The following DNAJC9 variants were observed in gnomAD, a reference collection of about 807,000 sequenced individuals.
The protein encoded by DNAJC9 is dnaJ homolog subfamily C member 9.
A neutral mutation model predicts 32.4 loss-of-function variants in DNAJC9; 18 were observed. That is an observed-to-expected ratio of 0.56 (90% CI 0.38 to 0.82). DNAJC9 has a LOEUF of 0.82. Among genes scored for constraint, DNAJC9 ranks in the 40% least tolerant of loss-of-function variants. The pLI is 0.00. For synonymous variants in DNAJC9, 113 were observed against 122.1 expected (o/e 0.93, Z 0.49); for missense variants, 310 against 321.8 (o/e 0.96, Z 0.28).
intron 2 of DNAJC9, chr10:73,233,194 C>A: frequency 7.1e-7 from 1 of 1,414,404 alleles, no homozygotes; most frequent in Non-Finnish European, 9.8e-7. Context: ...TTCTGGAAAC[C>A]GTGGTAAAAC....
At position 73,242,074 on chromosome 10, in the gene DNAJC9, A is replaced by G. The variant is rs1042910373; in HGVS notation, c.*1326T>C. ...ATTCAAATAATCATAAATTACGGTA[A>G]CTTTTTATTATACCAAGGTGTTCTA... On this transcript the variant is annotated 3_prime_UTR_variant, in exon 5 of 5. Coordinates refer to ENST00000372950, the MANE Select transcript of DNAJC9 (RefSeq NM_015190.5). 7.9e-5 allele frequency: 12 copies of G among 152,210 alleles called. No homozygotes were observed. Among genetic ancestry groups the G allele is most frequent in the African/African-American group, 2.9e-4 (12 of 41,466 alleles). The allele number at this position is 152,210 out of a possible 1,614,324, so 9.4% of individuals were successfully genotyped here.
chr10:73,236,198 G>A (rs1167214423), downstream of DNAJC9, among the ~76,000 whole-genome samples: 1 of 150,082 alleles, frequency 6.7e-6, no homozygotes, highest in Non-Finnish European at 1.5e-5. Context: ...GTTTCCTAGG[G>A]CTTAAGAAAT....
intron 2 of DNAJC9, chr10:73,232,878 G>T (rs562922322): frequency 1.9e-5 from 20 of 1,028,042 alleles, no homozygotes; most frequent in Middle Eastern, 2.2e-4. Flanking sequence ...TACCCCGTTA[G>T]TCTTGTCTTC....
At chr10:73,243,795 A>G (rs749614502) in intron 4 of DNAJC9, 48 bp downstream of exon 4, 1 of 1,476,158 alleles carries the variant, frequency 6.8e-7, no homozygotes, top group Non-Finnish European at 9.4e-7. Flanking sequence ...AAATATTAGC[A>G]GTAGGAATCA....
chr10:73,247,214 G>C lies in DNAJC9; in HGVS notation c.-25C>G. ...TGCCGGGCGGAGATACGACCCCGGA[G>C]GAAGCAGCCGCTCCCAGCTGCGCCG... is the stretch of plus-strand genomic sequence containing the variant. On this transcript the variant is annotated 5_prime_UTR_variant, in exon 1 of 5. Transcript: ENST00000372950. 6.3e-7 allele frequency: 1 copy of C among 1,575,758 alleles called. No individual in the cohort carries two copies. The highest frequency in any genetic ancestry group is 2.4e-5 in the East Asian group (1 of 42,078).
intron 2 of DNAJC9, chr10:73,233,008 T>C (rs1564715284): frequency 6.4e-7 from 1 of 1,551,998 alleles, no homozygotes; most frequent in Non-Finnish European, 8.7e-7. Flanking sequence ...ATTGGCCAAA[T>C]CGAGCTGTGG....
chr10:73,244,929 G>C (rs2043990262), intron 3 of DNAJC9, among the ~76,000 whole-genome samples: 1 of 152,202 alleles, frequency 6.6e-6, no homozygotes, highest in South Asian at 2.1e-4. Context: ...AAGGTTTGTT[G>C]AACAGTCTAT....
downstream of DNAJC9, among the ~76,000 whole-genome samples, chr10:73,240,432 G>A (rs764003271): frequency 1.1e-4 from 17 of 152,284 alleles, no homozygotes; most frequent in Non-Finnish European, 2.1e-4. Flanking sequence ...GGTATAACTG[G>A]CTGGGCGTGG....
downstream of DNAJC9, chr10:73,239,361 C>T (rs2043893351): frequency 6.4e-7 from 1 of 1,551,518 alleles, no homozygotes; most frequent in Non-Finnish European, 8.7e-7. Flanking sequence ...CCTCATCAGG[C>T]CCGACCTGGC....
At chr10:73,234,531 T>G (rs2043779182), downstream of DNAJC9, 1 of 336,226 alleles carries the variant, frequency 3.0e-6, no homozygotes, top group Admixed American at 4.5e-5. Flanking sequence ...AGCAGAGAAG[T>G]GCAATACCAG....
At position 73,246,136 on chromosome 10, in the gene DNAJC9, T is replaced by A; in HGVS notation, c.362A>T (p.Lys121Ile). Residue 121 changes from lysine to isoleucine, a missense_variant, in exon 3 of 5, where the codon AAA (lysine) becomes ATA (isoleucine). Transcript: ENST00000372950. ...EDIQAFEKTY[K>I]GSEEELADIK... is the part of the protein sequence containing the mutation. Reference sequence around the variant, plus strand: ...ATCAGCCAGCTCTTCTTCCGAACCTTTGTATGTCTTTTCAAAAGCTTGAAT... The same window carrying A: ...ATCAGCCAGCTCTTCTTCCGAACCTATGTATGTCTTTTCAAAAGCTTGAAT... 1 of 1,613,328 alleles carries A rather than the reference T, an allele frequency of 6.2e-7. No homozygotes were observed. The highest frequency in any genetic ancestry group is 8.5e-7 in the Non-Finnish European group (1 of 1,179,824).
chr10:73,246,021 T>C lies in DNAJC9; in HGVS notation c.477A>G (p.Ile159Met), dbSNP rs750771204. ...CAATAGCTTGCTGAATGATATTCCT[T>C]ATCCTGGGTTCCTCTGTGTACTGCA... ...LCVQYTEEPR[I>M]RNIIQQAIDA... is the part of the protein sequence containing the mutation. The change falls in exon 3 of 5, where the codon ATA becomes ATG. Residue 159 changes from isoleucine (I) to methionine (M), a missense_variant. Coordinates refer to ENST00000372950, the MANE Select transcript of DNAJC9 (RefSeq NM_015190.5). 3 of 1,613,688 alleles carry C rather than the reference T, an allele frequency of 1.9e-6. No individual in the cohort carries two copies. In the East Asian group the frequency reaches 6.7e-5, roughly 36 times the overall value.
At position 73,243,910 on chromosome 10, in the gene DNAJC9, T is replaced by G. The variant is rs777924498; in HGVS notation, c.596A>C (p.Glu199Ala). Residue 199 changes from glutamate to alanine, a missense_variant, in exon 4 of 5, where the codon GAA becomes GCA. By Grantham distance (107) the Glu-to-Ala change is moderately radical. Coordinates refer to ENST00000372950, the MANE Select transcript of DNAJC9 (RefSeq NM_015190.5). ...CAACTCCTTTCTGCTCATTTCTGCTTCTTTGGCCTCTTCCTGAGCCTGAAA... is the reference window on the plus strand; with the variant it reads ...CAACTCCTTTCTGCTCATTTCTGCTGCTTTGGCCTCTTCCTGAGCCTGAAA... ...RKRRAQEEAK[E>A]AEMSRKELGL... 2.0e-5 allele frequency: 33 copies of G among 1,614,140 alleles called. No individual in the cohort carries two copies. The South Asian group carries it at 2.4e-4, about 12-fold the overall frequency.
downstream of DNAJC9, among the ~76,000 whole-genome samples, chr10:73,240,370 T>C (rs576649448): frequency 6.6e-6 from 1 of 152,314 alleles, no homozygotes; most frequent in African/African-American, 2.4e-5. Flanking sequence ...TTTTGTCAGA[T>C]TATGCTTTCA....
intron 4 of DNAJC9, 87 bp from the exon 5 acceptor site, chr10:73,243,606 A>C: frequency 6.6e-7 from 1 of 1,521,284 alleles, no homozygotes; most frequent in Non-Finnish European, 9.0e-7. Flanking sequence ...GAAAAGTGGA[A>C]TAACTACTAA....
chr10:73,234,847 C>T (rs1327068654), downstream of DNAJC9: 1 of 1,551,694 alleles, frequency 6.4e-7, no homozygotes, highest in Non-Finnish European at 8.7e-7. Flanking sequence ...TCTCCTCTCC[C>T]TCACCGACGC....
chr10:73,243,746 T>C, intron 4 of DNAJC9, 97 bp downstream of exon 4: 1 of 1,229,174 alleles, frequency 8.1e-7, no homozygotes, highest in Non-Finnish European at 1.2e-6. Flanking sequence ...TATGCGGTTA[T>C]GTCTTAAAAG....
At chr10:73,240,800 T>C (rs1385944930), downstream of DNAJC9, 1 of 586,506 alleles carries the variant, frequency 1.7e-6, no homozygotes, top group Non-Finnish European at 3.0e-6. Context: ...TTTTAATTAG[T>C]GGGCTCTTCT....
chr10:73,235,212 G>A (rs774548823), downstream of DNAJC9: 2 of 1,551,554 alleles, frequency 1.3e-6, no homozygotes, highest in Non-Finnish European at 1.7e-6. Context: ...GGCGACTCTA[G>A]TCGAGCTCAA....
Sources: gnomAD v4.1 joint callset for allele counts (sites outside exome capture counted in the v4.1 genomes callset) on GRCh38, gnomAD v4.1.1 for gene constraint, MANE v1.5 for transcripts, NCBI Gene and HGNC (gene_info 2026-07-23, HGNC 2026-07-21) for gene names.